The following SNX33 variants were observed in gnomAD, a reference collection of about 807,000 sequenced individuals.
The protein encoded by SNX33 is sorting nexin-33.
A neutral mutation model predicts 38.8 loss-of-function variants in SNX33; 19 were observed. The observed-to-expected ratio is 0.49, with a 90% CI of 0.34 to 0.72. The LOEUF (loss-of-function observed/expected upper bound fraction) is 0.72. SNX33 is among the 30% of genes least tolerant of loss of function. SNX33 has a pLI of 0.01. For synonymous variants in SNX33, 246 were observed against 289.7 expected (o/e 0.85, Z 1.53); for missense variants, 641 against 776.4 (o/e 0.83, Z 2.07).
At position 75,648,123 on chromosome 15, in the gene SNX33, T is replaced by C. The variant is rs964267661; in HGVS notation, c.-980T>C. ...TTGAGTGTGTGCGTGCACGCGAGGG[T>C]GGTGATCGGGGGTCGTAAGTCCCGG... On this transcript the variant is annotated 5_prime_UTR_variant, in exon 1 of 2. Transcript: ENST00000308527. The surrounding 1 kb of genome is among the most constrained non-coding windows in gnomAD (Gnocchi z 4.4). The C allele has an allele frequency of 4.1e-6, 4 of 985,110 alleles. No homozygotes were observed. The allele number at this position is 985,110 out of a possible 1,614,324, so 61.0% of individuals were successfully genotyped here.
At position 75,657,224 on chromosome 15, in the gene SNX33, G is replaced by T. The variant is rs745700685; in HGVS notation, c.*9G>T. 5.6e-6 allele frequency: 9 copies of T among 1,613,178 alleles called. 1 individual carries two copies. In the South Asian group the frequency reaches 9.9e-5, roughly 18 times the overall value. On this transcript the variant is annotated 3_prime_UTR_variant, in exon 2 of 2. Transcript: ENST00000308527. The surrounding 1 kb of genome is among the most constrained non-coding windows in gnomAD (Gnocchi z 5.5). ...TGTATGACAACCTCTGACCGCGTGT[G>T]CCTGGGCCCCCTCCTTCCCCTGGGC... is the stretch of plus-strand genomic sequence containing the variant.
rs771099361 is a variant in SNX33 at position 75,649,227 on chromosome 15, A to G, written c.125A>G (p.Gln42Arg). Residue 42 changes from glutamine to arginine, a missense_variant, in exon 1 of 2, where the codon CAG becomes CGG. Transcript: ENST00000308527. The surrounding 1 kb of genome is among the most constrained non-coding windows in gnomAD (Gnocchi z 6.6). ...TCACTGGATGGCTGGCTGCAGGGCC[A>G]GAACAGCCGTGGGGAGACAGGGCTC... The part of the protein sequence containing the change: ...ETSLDGWLQG[Q>R]NSRGETGLFP... 1.9e-6 allele frequency: 3 copies of G among 1,614,136 alleles called. No individual in the cohort carries two copies. Among genetic ancestry groups the G allele is most frequent in the African/African-American group, 2.7e-5 (2 of 75,060 alleles).
In SNX33 at chr15:75,658,735, G is replaced by T. The variant is rs1324935868; in HGVS notation, c.*1520G>T. 1 of 152,414 alleles carries T rather than the reference G, an allele frequency of 6.6e-6. No individual in the cohort carries two copies. Among genetic ancestry groups the T allele is most frequent in the South Asian group, 2.1e-4 (1 of 4,830 alleles). The allele number at this position is 152,414 out of a possible 1,614,324, so 9.4% of individuals were successfully genotyped here. A position where few individuals can be genotyped will look rare whatever the true frequency, so the allele number is the denominator to read the frequency against. ...AGCCATTGGATGAGATTCTGAGGTC[G>T]TGGTGGGCACAAATTTTCCACAGAA... On this transcript the variant is annotated 3_prime_UTR_variant, in exon 2 of 2. Coordinates refer to ENST00000308527, the MANE Select transcript of SNX33 (RefSeq NM_153271.2). The surrounding 1 kb of genome is among the most constrained non-coding windows in gnomAD (Gnocchi z 4.1).
chr15:75,654,332 G>A (rs1566967510), intron 1 of SNX33, among the ~76,000 whole-genome samples: 2 of 152,138 alleles, frequency 1.3e-5, no homozygotes, highest in African/African-American at 4.8e-5. Context: ...AGTGCAACCT[G>A]TCCCACTGGG....
Position 75,648,341 on chromosome 15 carries a change from G to GCGGGGAGAGGGCGCCCGAGC in SNX33, c.-758_-739dup. 4 of 985,360 alleles carry GCGGGGAGAGGGCGCCCGAGC rather than the reference G, an allele frequency of 4.1e-6. No homozygotes were observed. The highest frequency in any genetic ancestry group is 4.8e-6 in the Non-Finnish European group (4 of 829,948). 61.0% of individuals were successfully genotyped at this position (985,360 alleles called of 1,614,324 possible). A position where few individuals can be genotyped will look rare whatever the true frequency, so the allele number is the denominator to read the frequency against. ...GGGGTTGGGGCTGGCCACTTCTGGG[G>GCGGGGAGAGGGCGCCCGAGC]CGGGGAGAGGGCGCCCGAGCCGGCG... On this transcript the variant is annotated 5_prime_UTR_variant, in exon 1 of 2. Coordinates refer to ENST00000308527, the MANE Select transcript of SNX33 (RefSeq NM_153271.2). This position sits in a 1 kb window ranked among gnomAD's most constrained non-coding sequence, Gnocchi z 4.4.
chr15:75,653,726 G>T (rs532453251), intron 1 of SNX33, among the ~76,000 whole-genome samples: 1 of 152,310 alleles, frequency 6.6e-6, no homozygotes, highest in South Asian at 2.1e-4. Context: ...GGGCCATAGG[G>T]ACAGCGTGGC....
In SNX33 at chr15:75,661,448, T is replaced by C. The variant is rs1893721960; in HGVS notation, c.*4233T>C. On this transcript the variant is annotated 3_prime_UTR_variant, in exon 2 of 2. Transcript: ENST00000308527. The surrounding 1 kb of genome is among the most constrained non-coding windows in gnomAD (Gnocchi z 4.5). ...ACGGTGAGCCCTGGTAGGAAGACCA[T>C]GGGGAAAAATCAAACCTCACCACCC... 1 of 151,946 alleles carries C rather than the reference T, an allele frequency of 6.6e-6. No individual in the cohort carries two copies. The highest frequency in any genetic ancestry group is 1.5e-5 in the Non-Finnish European group (1 of 68,018). 9.4% of individuals were successfully genotyped at this position (151,946 alleles called of 1,614,324 possible).
chr15:75,650,313 G>T lies in SNX33; in HGVS notation c.1211G>T (p.Arg404Leu), dbSNP rs375078411. The T allele has an allele frequency of 6.3e-7, 1 of 1,594,734 alleles. No homozygotes were observed. The highest frequency in any genetic ancestry group is 8.6e-7 in the Non-Finnish European group (1 of 1,168,934). The change falls in exon 1 of 2, where the codon CGT becomes CTT. Residue 404 changes from arginine to leucine, a missense_variant. Physicochemically the swap from Arg to Leu is moderately radical, Grantham distance 102. Coordinates refer to ENST00000308527, the MANE Select transcript of SNX33 (RefSeq NM_153271.2). The surrounding 1 kb of genome is among the most constrained non-coding windows in gnomAD (Gnocchi z 6.1). ...QLSTVASELV[R>L]KHVGGFRKEF... is the part of the protein sequence containing the mutation. Reference sequence around the variant, plus strand: ...AGCACTGTGGCATCAGAGCTGGTGCGTAAACATGTGGGGGGCTTCCGCAAG... The same window carrying T: ...AGCACTGTGGCATCAGAGCTGGTGCTTAAACATGTGGGGGGCTTCCGCAAG...
chr15:75,650,665 C>G lies in SNX33; in HGVS notation c.1471+92C>G, dbSNP rs1336591340. 4.9e-6 allele frequency: 7 copies of G among 1,428,452 alleles called. No individual in the cohort carries two copies. In the East Asian group the frequency reaches 1.7e-4, roughly 34 times the overall value. 88.5% of individuals were successfully genotyped at this position (1,428,452 alleles called of 1,614,324 possible). Reference sequence around the variant, plus strand: ...GGATGGCCTGGATAGAATGGAGCAACTTGTCTTTATTTCTCTGTCTCAATC... The same window carrying G: ...GGATGGCCTGGATAGAATGGAGCAAGTTGTCTTTATTTCTCTGTCTCAATC... On this transcript the variant is annotated intron_variant, in intron 1 of 1. Transcript: ENST00000308527. This position sits in a 1 kb window ranked among gnomAD's most constrained non-coding sequence, Gnocchi z 6.1.
chr15:75,657,368 A>G lies in SNX33; in HGVS notation c.*153A>G, dbSNP rs1435920545. On this transcript the variant is annotated 3_prime_UTR_variant, in exon 2 of 2. Transcript: ENST00000308527. This position sits in a 1 kb window ranked among gnomAD's most constrained non-coding sequence, Gnocchi z 5.5. ...TGCCTCCTGGGAGAAGGAGCTTTCA[A>G]GGAGTCATGGGTGCCCCTGGGAAAT... 7.7e-7 allele frequency: 1 copy of G among 1,304,268 alleles called. No individual in the cohort carries two copies. Among genetic ancestry groups the G allele is most frequent in the African/African-American group, 1.5e-5 (1 of 68,064 alleles). The allele number at this position is 1,304,268 out of a possible 1,614,324, so 80.8% of individuals were successfully genotyped here.
rs1893699804 is a variant in SNX33 at position 75,659,737 on chromosome 15, C to A, written c.*2522C>A. 1 of 152,302 alleles carries A rather than the reference C, an allele frequency of 6.6e-6. No homozygotes were observed. The highest frequency in any genetic ancestry group is 1.5e-5 in the Non-Finnish European group (1 of 68,132). 9.4% of individuals were successfully genotyped at this position (152,302 alleles called of 1,614,324 possible). ...TGCCTTCCTTGAGAGGGGACCACCT[C>A]CCAGGCCTTCCATCCTCAGGGTGAG... On this transcript the variant is annotated 3_prime_UTR_variant, in exon 2 of 2. Transcript: ENST00000308527.
chr15:75,648,122 G>A lies in SNX33; in HGVS notation c.-981G>A. 3 of 985,546 alleles carry A rather than the reference G, an allele frequency of 3.0e-6. No homozygotes were observed. The highest frequency in any genetic ancestry group is 3.6e-6 in the Non-Finnish European group (3 of 830,006). The allele number at this position is 985,546 out of a possible 1,614,324, so 61.1% of individuals were successfully genotyped here. A position where few individuals can be genotyped will look rare whatever the true frequency, so the allele number is the denominator to read the frequency against. Reference sequence around the variant, plus strand: ...GTTGAGTGTGTGCGTGCACGCGAGGGTGGTGATCGGGGGTCGTAAGTCCCG... The same window carrying A: ...GTTGAGTGTGTGCGTGCACGCGAGGATGGTGATCGGGGGTCGTAAGTCCCG... On this transcript the variant is annotated 5_prime_UTR_variant, in exon 1 of 2. The change creates a new upstream start codon in the 5' untranslated region. Coordinates refer to ENST00000308527, the MANE Select transcript of SNX33 (RefSeq NM_153271.2). This position sits in a 1 kb window ranked among gnomAD's most constrained non-coding sequence, Gnocchi z 4.4.
In SNX33 at chr15:75,650,116, C is replaced by G. The variant is rs369680927; in HGVS notation, c.1014C>G (p.Asp338Glu). The G allele has an allele frequency of 5.6e-6, 9 of 1,614,004 alleles. No individual in the cohort carries two copies. The highest frequency in any genetic ancestry group is 7.6e-6 in the Non-Finnish European group (9 of 1,180,012). ...GFQHFLSCLD[D>E]KQWKMGKRRA... Reference sequence around the variant, plus strand: ...AGCATTTCCTCAGCTGCCTGGATGACAAGCAGTGGAAGATGGGCAAACGCC... The same window carrying G: ...AGCATTTCCTCAGCTGCCTGGATGAGAAGCAGTGGAAGATGGGCAAACGCC... Residue 338 changes from aspartate to glutamate, a missense_variant, in exon 1 of 2, where the codon GAC (aspartate) becomes GAG (glutamate). Physicochemically the swap from Asp to Glu is conservative, Grantham distance 45. This residue lies in a region of SNX33 where 398 missense variants were observed against 542.5 expected (regional missense o/e 0.73). Transcript: ENST00000308527. This position sits in a 1 kb window ranked among gnomAD's most constrained non-coding sequence, Gnocchi z 6.1.
intron 1 of SNX33, among the ~76,000 whole-genome samples, chr15:75,653,836 C>T (rs1256290470): frequency 1.3e-5 from 2 of 152,066 alleles, no homozygotes; most frequent in Non-Finnish European, 2.9e-5. Context: ...CTCTACCGCT[C>T]ATCCTGTAAT....
In SNX33 at chr15:75,657,478, C is replaced by G. The variant is rs1190157136; in HGVS notation, c.*263C>G. ...GCCAAGGCCTGGGCTGCCGGTCAGT[C>G]AGTGAAGGTCAGGCCAGGGTCTCAG... On this transcript the variant is annotated 3_prime_UTR_variant, in exon 2 of 2. Coordinates refer to ENST00000308527, the MANE Select transcript of SNX33 (RefSeq NM_153271.2). This position sits in a 1 kb window ranked among gnomAD's most constrained non-coding sequence, Gnocchi z 5.5. 2 of 568,676 alleles carry G rather than the reference C, an allele frequency of 3.5e-6. No individual in the cohort carries two copies. Among genetic ancestry groups the G allele is most frequent in the African/African-American group, 3.8e-5 (2 of 53,198 alleles). The allele number at this position is 568,676 out of a possible 1,614,324, so 35.2% of individuals were successfully genotyped here. A position where few individuals can be genotyped will look rare whatever the true frequency, so the allele number is the denominator to read the frequency against.
intron 1 of SNX33, among the ~76,000 whole-genome samples, chr15:75,652,738 C>G (rs1490492467): frequency 6.6e-6 from 1 of 152,224 alleles, no homozygotes; most frequent in Non-Finnish European, 1.5e-5. Flanking sequence ...CTCTGGCTTA[C>G]TCTAAGTTCT....
intron 1 of SNX33, among the ~76,000 whole-genome samples, chr15:75,651,446 G>A (rs1893579084): frequency 6.6e-6 from 1 of 152,006 alleles, no homozygotes; most frequent in African/African-American, 2.4e-5. Context: ...CCCCTCTGTG[G>A]GGGAGGGACA....
At chr15:75,656,191 G>A (rs1181486001) in intron 1 of SNX33, among the ~76,000 whole-genome samples, 1 of 152,138 alleles carries the variant, frequency 6.6e-6, no homozygotes, top group Non-Finnish European at 1.5e-5. Context: ...AGTGTGATGG[G>A]GGTGGGGGTG....
chr15:75,661,935 AG>A lies in SNX33; in HGVS notation c.*4723del, dbSNP rs1261144091. The A allele has an allele frequency of 6.6e-6, 1 of 152,214 alleles. No homozygotes were observed. Among genetic ancestry groups the A allele is most frequent in the African/African-American group, 2.4e-5 (1 of 41,438 alleles). The allele number at this position is 152,214 out of a possible 1,614,324, so 9.4% of individuals were successfully genotyped here. The stretch of plus-strand genomic sequence containing the variant: ...GAGTCCCCCCAGCCCTGAGGGATGA[AG>A]GGTCTGAAGATGGCACTGCACGGTG... On this transcript the variant is annotated 3_prime_UTR_variant, in exon 2 of 2. Transcript: ENST00000308527. The surrounding 1 kb of genome is among the most constrained non-coding windows in gnomAD (Gnocchi z 4.5).
Sources: gnomAD v4.1 joint callset for allele counts (sites outside exome capture counted in the v4.1 genomes callset) on GRCh38, gnomAD v4.1.1 for gene constraint, gnomAD v4.1.1 regional missense constraint, Gnocchi (gnomAD v3.1) non-coding constraint, MANE v1.5 for transcripts, NCBI Gene and HGNC (gene_info 2026-07-23, HGNC 2026-07-21) for gene names.